CALN1: variants seen among roughly 807,000 people sequenced by gnomAD.
The protein encoded by CALN1 is calcium-binding protein 8.
CALN1 carries 17 observed loss-of-function variants against 30.6 expected under a neutral mutation model. The observed-to-expected ratio is 0.56, with a 90% confidence interval of 0.38 to 0.83. CALN1 has a LOEUF of 0.83. Among genes scored for constraint, CALN1 ranks in the 40% least tolerant of loss-of-function variants. The pLI, the probability that CALN1 is intolerant of heterozygous loss-of-function variation, is 0.00. For missense variants in CALN1, 291 were observed against 354.9 expected, an observed-to-expected ratio of 0.82 and a Z score of 1.45; for synonymous variants, 156 against 131.4, an observed-to-expected ratio of 1.19 and a Z score of -1.28.
intron 1 of CALN1, among the ~76,000 whole-genome samples, chr7:72,404,973 T>C (rs1005582077): frequency 6.6e-6 from 1 of 152,178 alleles, no homozygotes; most frequent in Non-Finnish European, 1.5e-5. Flanking sequence ...CTAGATGCTT[T>C]GTAATTTCCA....
intron 4 of CALN1, among the ~76,000 whole-genome samples, chr7:72,101,399 G>A (rs1806655694): frequency 1.3e-5 from 2 of 152,172 alleles, no homozygotes; most frequent in Non-Finnish European, 2.9e-5. Context: ...GTCACTGGAA[G>A]TGAGATCTTG....
At chr7:72,153,757 T>C (rs759664175) in intron 3 of CALN1, among the ~76,000 whole-genome samples, 5 of 152,110 alleles carry the variant, frequency 3.3e-5, no homozygotes, top group Non-Finnish European at 7.4e-5. Context: ...GTCTGTATGG[T>C]GCCCTGGCCT....
intron 1 of CALN1, among the ~76,000 whole-genome samples, chr7:72,411,097 G>A (rs1223212753): frequency 1.3e-5 from 2 of 152,178 alleles, no homozygotes; most frequent in Non-Finnish European, 2.9e-5. Context: ...TGTAGAAACA[G>A]AAGATAATGT....
At chr7:72,096,042 A>AAGAC (rs373832583) in intron 4 of CALN1, among the ~76,000 whole-genome samples, 2 of 143,078 alleles carry the variant, frequency 1.4e-5, no homozygotes, top group Non-Finnish European at 3.0e-5. Flanking sequence ...TTGTCTCTAA[A>AAGAC]AGATAGATAG....
the CALN1 span, among the ~76,000 whole-genome samples, chr7:72,455,738 C>G: frequency 5.3e-5 from 8 of 152,228 alleles, no homozygotes; most frequent in African/African-American, 1.9e-4. Flanking sequence ...TCCTGACCAA[C>G]AGAATGAGCT....
chr7:71,995,312 C>T (rs1362501392), intron 5 of CALN1, among the ~76,000 whole-genome samples: 1 of 152,236 alleles, frequency 6.6e-6, no homozygotes, highest in Non-Finnish European at 1.5e-5. Flanking sequence ...CAGCTGCTGT[C>T]ATTCACCCGT....
chr7:71,981,901 G>A (rs940914022), intron 5 of CALN1, among the ~76,000 whole-genome samples: 3 of 152,096 alleles, frequency 2.0e-5, no homozygotes, highest in Non-Finnish European at 4.4e-5. Flanking sequence ...GTGGTGGTAC[G>A]AGAGTCGAGG....
At chr7:71,858,733 T>C (rs1562846653) in intron 5 of CALN1, among the ~76,000 whole-genome samples, 2 of 152,298 alleles carry the variant, frequency 1.3e-5, no homozygotes, top group East Asian at 1.9e-4. Flanking sequence ...AATCTACCTA[T>C]GACCTGGAAG....
At chr7:71,882,680 A>T (rs1323674510) in intron 5 of CALN1, among the ~76,000 whole-genome samples, 1 of 137,628 alleles carries the variant, frequency 7.3e-6, no homozygotes, top group Admixed American at 7.2e-5. Flanking sequence ...TGTCCTACTT[A>T]AAAAAAAAAA....
intron 3 of CALN1, among the ~76,000 whole-genome samples, chr7:72,235,033 C>T (rs188776425): frequency 6.0e-4 from 91 of 152,188 alleles, no homozygotes; most frequent in African/African-American, 1.8e-3. Context: ...CTTTGGGAGG[C>T]CAAGGTGAGA....
intron 5 of CALN1, among the ~76,000 whole-genome samples, chr7:71,864,739 C>A (rs1191025000): frequency 6.6e-6 from 1 of 152,158 alleles, no homozygotes; most frequent in Non-Finnish European, 1.5e-5. Flanking sequence ...TGGTAGCTCA[C>A]GCCTGTAATC....
At chr7:71,972,032 GAAA>G (rs1158766726) in intron 5 of CALN1, among the ~76,000 whole-genome samples, 2 of 147,802 alleles carry the variant, frequency 1.4e-5, no homozygotes, top group African/African-American at 5.0e-5. Flanking sequence ...AAGAAAGAAA[GAAA>G]GACACACTCA....
intron 5 of CALN1, among the ~76,000 whole-genome samples, chr7:71,912,826 T>C (rs1320934649): frequency 6.6e-6 from 1 of 152,152 alleles, no homozygotes; most frequent in Non-Finnish European, 1.5e-5. Context: ...AGTACTGAGT[T>C]TGGTTTTCAG....
At chr7:72,473,698 C>T in the CALN1 span, among the ~76,000 whole-genome samples, 1 of 151,916 alleles carries the variant, frequency 6.6e-6, no homozygotes, top group African/African-American at 2.4e-5. Flanking sequence ...TTTGGGAGGA[C>T]AAGGCAGGCG....
the CALN1 span, among the ~76,000 whole-genome samples, chr7:72,489,037 T>C: frequency 3.3e-5 from 5 of 152,146 alleles, no homozygotes; most frequent in Non-Finnish European, 7.4e-5. Flanking sequence ...TTTTTTCTTC[T>C]AAACTCAATC....
At chr7:72,488,114 G>T in the CALN1 span, among the ~76,000 whole-genome samples, 1 of 151,844 alleles carries the variant, frequency 6.6e-6, no homozygotes, top group African/African-American at 2.4e-5. Context: ...AATCACTTGA[G>T]CCCAGGTGTT....
chr7:72,479,174 C>T, the CALN1 span, among the ~76,000 whole-genome samples: 2 of 152,164 alleles, frequency 1.3e-5, no homozygotes, highest in Admixed American at 1.3e-4. Flanking sequence ...GCCACTGCGC[C>T]GGGACCATGA....
At chr7:72,495,654 C>A in the CALN1 span, among the ~76,000 whole-genome samples, 1 of 152,288 alleles carries the variant, frequency 6.6e-6, no homozygotes, top group South Asian at 2.1e-4. Flanking sequence ...GAACAAAACT[C>A]AAATGGCCTC....
At chr7:71,900,743 G>C (rs1291690793) in intron 5 of CALN1, among the ~76,000 whole-genome samples, 3 of 152,132 alleles carry the variant, frequency 2.0e-5, no homozygotes, top group African/African-American at 7.2e-5. Flanking sequence ...ACTGTTGGAG[G>C]GAAAGTCCCA....
Sources: allele counts gnomAD v4.1 joint callset (sites outside exome capture counted in the v4.1 genomes callset), GRCh38; gene constraint gnomAD v4.1.1; transcripts MANE v1.5; gene names NCBI Gene and HGNC (gene_info 2026-07-23, HGNC 2026-07-21).